CHST11: variants seen among roughly 807,000 people sequenced by gnomAD.
The protein encoded by CHST11 is carbohydrate sulfotransferase 11, also known as C4S-1.
Under a neutral mutation model 30.4 loss-of-function variants are expected in CHST11, and 9 were observed. That is an observed-to-expected ratio of 0.30 (90% CI 0.18 to 0.52). The LOEUF (loss-of-function observed/expected upper bound fraction) is 0.52, where lower values mean the gene tolerates loss of function less well. CHST11 is among the 20% of genes least tolerant of loss of function. CHST11 has a pLI of 0.97. For missense variants in CHST11, 348 were observed against 460.6 expected (o/e 0.76, Z 2.24); for synonymous variants, 152 against 187.8 (o/e 0.81, Z 1.56).
intron 1 of CHST11, among the ~76,000 whole-genome samples, chr12:104,570,891 A>T (rs2038617603): frequency 6.6e-6 from 1 of 152,044 alleles, no homozygotes; most frequent in Non-Finnish European, 1.5e-5. Flanking sequence ...GAGTTTCGCC[A>T]TGTTGACCAG....
chr12:104,731,834 G>A (rs183707314), intron 2 of CHST11, among the ~76,000 whole-genome samples: 12 of 152,368 alleles, frequency 7.9e-5, no homozygotes, highest in African/African-American at 2.2e-4. Context: ...ACGCAACTGC[G>A]GCCTCCTTCA....
chr12:104,628,257 T>G (rs575801641), intron 2 of CHST11, among the ~76,000 whole-genome samples: 1 of 152,188 alleles, frequency 6.6e-6, no homozygotes, highest in Non-Finnish European at 1.5e-5. Flanking sequence ...TCTTCCTGTG[T>G]TTCTTTTAAG....
At chr12:104,565,258 A>ATTTTTTTTTTTTTTTTTTTTTTTTTT (rs66825272) in intron 1 of CHST11, among the ~76,000 whole-genome samples, 3 of 72,918 alleles carry the variant, frequency 4.1e-5, no homozygotes, top group Non-Finnish European at 4.9e-5. Flanking sequence ...GTTTTCTAGG[A>ATTTTTTTTTTTTTTTTTTTTTTTTTT]TTTTTTTTTT....
intron 2 of CHST11, among the ~76,000 whole-genome samples, chr12:104,728,752 G>A (rs960687998): frequency 6.6e-6 from 1 of 152,166 alleles, no homozygotes; most frequent in African/African-American, 2.4e-5. Context: ...CTGGGCCTCT[G>A]CCCTCCTGGG....
chr12:104,757,847 T>G lies in CHST11; in HGVS notation c.*44T>G, dbSNP rs1376631685. ...GAGAATCATGCTTTTTAATTTAAGA[T>G]TTTTATTTGTCAAAAGAATTATATG... On this transcript the variant is annotated 3_prime_UTR_variant, in exon 3 of 3. Transcript: ENST00000303694. This position sits in a 1 kb window ranked among gnomAD's most constrained non-coding sequence, Gnocchi z 6.5. 6 of 1,529,824 alleles carry G rather than the reference T, an allele frequency of 3.9e-6. No individual in the cohort carries two copies. The highest frequency in any genetic ancestry group is 8.8e-7 in the Non-Finnish European group (1 of 1,135,448). The allele number at this position is 1,529,824 out of a possible 1,614,324, so 94.8% of individuals were successfully genotyped here.
At chr12:104,512,085 C>T (rs868450175) in intron 1 of CHST11, among the ~76,000 whole-genome samples, 1 of 152,088 alleles carries the variant, frequency 6.6e-6, no homozygotes, top group East Asian at 1.9e-4. Context: ...TTTTCCCCTA[C>T]ATATTTTCAG....
Position 104,473,068 on chromosome 12 carries a change from A to G in CHST11, c.118+15539A>G, listed in dbSNP as rs550923820. ...GGTACCAGGGAGCCACAGAAGGTTTAGTGTCTCCTGTTTTTCAGATGATGA... is the reference window on the plus strand; with the variant it reads ...GGTACCAGGGAGCCACAGAAGGTTTGGTGTCTCCTGTTTTTCAGATGATGA... On this transcript the variant is annotated intron_variant, in intron 1 of 2. Transcript: ENST00000303694. Among the ~76,000 whole-genome samples the G allele has an allele frequency of 1.7e-4, 26 of 152,284 alleles. 2 individuals carry two copies. The highest frequency in any genetic ancestry group is 1.5e-3 in the East Asian group (8 of 5,186).
At chr12:104,652,524 G>A (rs772663172) in intron 2 of CHST11, among the ~76,000 whole-genome samples, 41 of 152,340 alleles carry the variant, frequency 2.7e-4, no homozygotes, top group Non-Finnish European at 4.3e-4. Context: ...TATTTTGCTG[G>A]ACTGCCTCTG....
chr12:104,693,718 C>T (rs927358680), intron 2 of CHST11, among the ~76,000 whole-genome samples: 27 of 152,050 alleles, frequency 1.8e-4, no homozygotes, highest in African/African-American at 3.1e-4. Context: ...CTGGAGGAGG[C>T]GACAACTAAG....
At chr12:104,460,253 TGGA>T (rs2037394220) in intron 1 of CHST11, among the ~76,000 whole-genome samples, 1 of 152,196 alleles carries the variant, frequency 6.6e-6, no homozygotes. Context: ...GCTAAAAATT[TGGA>T]GGCCTCTGGC....
At chr12:104,594,402 G>A (rs1161498182) in intron 1 of CHST11, among the ~76,000 whole-genome samples, 1 of 152,196 alleles carries the variant, frequency 6.6e-6, no homozygotes, top group Non-Finnish European at 1.5e-5. Context: ...AAATCTCGGA[G>A]TGGATTAGCT....
chr12:104,479,192 A>G (rs2037593837), intron 1 of CHST11, among the ~76,000 whole-genome samples: 1 of 150,722 alleles, frequency 6.6e-6, no homozygotes, highest in Non-Finnish European at 1.5e-5. Flanking sequence ...TTTTTGGCTC[A>G]GGGAACTGAG....
intron 2 of CHST11, among the ~76,000 whole-genome samples, chr12:104,749,001 G>A (rs1235043252): frequency 3.3e-5 from 5 of 152,162 alleles, no homozygotes; most frequent in African/African-American, 9.7e-5. Flanking sequence ...GGGACTGGTC[G>A]GCTAAATATA....
intron 1 of CHST11, among the ~76,000 whole-genome samples, chr12:104,565,672 G>C (rs1592766123): frequency 6.6e-6 from 1 of 152,140 alleles, no homozygotes; most frequent in South Asian, 2.1e-4. Flanking sequence ...TCAGGCAGCG[G>C]GGCAGGGAGT....
At position 104,537,988 on chromosome 12, in the gene CHST11, GTGT is replaced by G. The variant is rs781093968; in HGVS notation, c.119-63913_119-63911del. Reference sequence around the variant, plus strand: ...CGGGATTCCAGGCATTAGCCACCCAGTGTTGTTAACATCTTACATTAGTATGGT... The same window carrying G: ...CGGGATTCCAGGCATTAGCCACCCAGTGTTAACATCTTACATTAGTATGGT... On this transcript the variant is annotated intron_variant, in intron 1 of 2. Coordinates refer to ENST00000303694, the MANE Select transcript of CHST11 (RefSeq NM_018413.6). 2.6e-5 allele frequency among the ~76,000 whole-genome samples: 4 copies of G among 152,284 alleles called. No individual in the cohort carries two copies. The East Asian group carries it at 5.8e-4, about 22-fold the overall frequency.
intron 2 of CHST11, among the ~76,000 whole-genome samples, chr12:104,654,624 C>T (rs2039525531): frequency 6.6e-6 from 1 of 152,006 alleles, no homozygotes; most frequent in Non-Finnish European, 1.5e-5. Flanking sequence ...GGGGTAATGT[C>T]CCCCATGCCA....
At chr12:104,633,856 C>CA (rs2039297209) in intron 2 of CHST11, among the ~76,000 whole-genome samples, 1 of 152,164 alleles carries the variant, frequency 6.6e-6, no homozygotes, top group East Asian at 1.9e-4. Flanking sequence ...GCTGCATCTT[C>CA]CTGTCCTCTG....
intron 2 of CHST11, among the ~76,000 whole-genome samples, chr12:104,700,051 G>A (rs2039978558): frequency 6.6e-6 from 1 of 152,144 alleles, no homozygotes; most frequent in Non-Finnish European, 1.5e-5. Flanking sequence ...CCCATTGCCT[G>A]TAATGCATGA....
chr12:104,691,179 C>T (rs2039893079), intron 2 of CHST11, among the ~76,000 whole-genome samples: 1 of 152,162 alleles, frequency 6.6e-6, no homozygotes, highest in Admixed American at 6.5e-5. Context: ...AGAAAATGTG[C>T]CAGTGCCCAA....
Sources: allele counts gnomAD v4.1 joint callset (sites outside exome capture counted in the v4.1 genomes callset), GRCh38; gene constraint gnomAD v4.1.1; non-coding constraint Gnocchi (gnomAD v3.1); transcripts MANE v1.5; gene names NCBI Gene and HGNC (gene_info 2026-07-23, HGNC 2026-07-21).